STAT6: variants seen among roughly 807,000 people sequenced by gnomAD.
The protein encoded by STAT6 is signal transducer and activator of transcription 6, also known as STAT, interleukin4-induced.
In STAT6, 45 loss-of-function variants were observed where a neutral mutation model predicts 106.3. That is an observed-to-expected ratio of 0.42 (90% confidence interval 0.33 to 0.54). STAT6 has a LOEUF of 0.54. Among genes scored for constraint, STAT6 ranks in the 20% least tolerant of loss-of-function variants. The pLI is 0.06. For synonymous variants in STAT6, 413 were observed against 413.6 expected, an observed-to-expected ratio of 1.00 and a Z score of 0.02; for missense variants, 797 against 1,062.2, an observed-to-expected ratio of 0.75 and a Z score of 3.47.
At chr12:57,101,616 G>A (rs1053505336) in intron 13 of STAT6, among the ~76,000 whole-genome samples, 3 of 147,784 alleles carry the variant, frequency 2.0e-5, no homozygotes, top group East Asian at 2.0e-4. Flanking sequence ...TATCCGTCTC[G>A]GCCTCCCAAA....
intron 1 of STAT6, 92 bp from the exon 2 acceptor site, chr12:57,108,391 C>T: frequency 4.3e-6 from 3 of 695,974 alleles, no homozygotes; most frequent in Non-Finnish European, 5.1e-6. Context: ...GATAGCCCTC[C>T]TAGGGACCGT....
chr12:57,107,867 G>A (rs2034372825), intron 2 of STAT6, 124 bp from the exon 3 acceptor site: 5 of 1,372,804 alleles, frequency 3.6e-6, no homozygotes, highest in Non-Finnish European at 4.9e-6. Context: ...TAGGCCCTCT[G>A]TAGCTTTCAC....
rs1312046618 is a variant in STAT6, at chr12:57,099,446, G to A, written c.1745-6C>T. ...GTTCTCTATCTGTGGAGAGCCTATG[G>A]TAGGAAGGAGACCCTGAGATCCCTC... On this transcript the variant is annotated splice_region_variant and splice_polypyrimidine_tract_variant and intron_variant, in intron 15 of 21. Coordinates refer to ENST00000300134, the MANE Select transcript of STAT6 (RefSeq NM_003153.5). This position sits in a 1 kb window ranked among gnomAD's most constrained non-coding sequence, Gnocchi z 4.7. The A allele has an allele frequency of 8.1e-6, 13 of 1,614,046 alleles. No individual in the cohort carries two copies. Among genetic ancestry groups the A allele is most frequent in the Non-Finnish European group, 1.0e-5 (12 of 1,180,040 alleles).
chr12:57,096,260 G>T lies in STAT6; in HGVS notation c.*312C>A, dbSNP rs146173081. On this transcript the variant is annotated 3_prime_UTR_variant, in exon 22 of 22. Coordinates refer to ENST00000300134, the MANE Select transcript of STAT6 (RefSeq NM_003153.5). ...CCTGCTCAGCCCCATCACCCTCAGAGAGCTCTGTATGTGTGTGTGCGTGCG... is the reference window on the plus strand; with the variant it reads ...CCTGCTCAGCCCCATCACCCTCAGATAGCTCTGTATGTGTGTGTGCGTGCG... 1.8e-4 allele frequency: 55 copies of T among 306,904 alleles called. No individual in the cohort carries two copies. Among genetic ancestry groups the T allele is most frequent in the Admixed American group, 2.9e-4 (6 of 20,644 alleles). The allele number at this position is 306,904 out of a possible 1,614,324, so 19.0% of individuals were successfully genotyped here.
At position 57,096,039 on chromosome 12, in the gene STAT6, C is replaced by G. The variant is rs1050982684; in HGVS notation, c.*533G>C. Reference sequence around the variant, plus strand: ...AAAACCTGTACTAGTAACCACATGTCCAGACCCCTCCTATGCTCCCACCCA... The same window carrying G: ...AAAACCTGTACTAGTAACCACATGTGCAGACCCCTCCTATGCTCCCACCCA... On this transcript the variant is annotated 3_prime_UTR_variant, in exon 22 of 22. Coordinates refer to ENST00000300134, the MANE Select transcript of STAT6 (RefSeq NM_003153.5). The G allele has an allele frequency of 6.5e-6, 1 of 154,610 alleles. No individual in the cohort carries two copies. Among genetic ancestry groups the G allele is most frequent in the African/African-American group, 2.4e-5 (1 of 41,518 alleles). 9.6% of individuals were successfully genotyped at this position (154,610 alleles called of 1,614,324 possible).
In STAT6 at chr12:57,106,204, G is replaced by A. The variant is rs1289107274; in HGVS notation, c.667C>T (p.Pro223Ser). The A allele has an allele frequency of 1.9e-6, 3 of 1,614,132 alleles. No individual in the cohort carries two copies. The highest frequency in any genetic ancestry group is 2.2e-5 in the South Asian group (2 of 91,088). Residue 223 changes from proline (P) to serine (S), a missense_variant, in exon 7 of 22, where the codon CCA (proline) becomes TCA (serine). Transcript: ENST00000300134. ...NGAPFEESLA[P>S]LQERCESLVD... ...CCCTAGCCCAACCTCTCCTGGAGTGGGGCCAGGCTCTCCTCAAACGGTGCG... is the reference window on the plus strand; with the variant it reads ...CCCTAGCCCAACCTCTCCTGGAGTGAGGCCAGGCTCTCCTCAAACGGTGCG...
chr12:57,102,300 T>A lies in STAT6; in HGVS notation c.1502A>T (p.Gln501Leu). 2.5e-6 allele frequency: 4 copies of A among 1,614,110 alleles called. No individual in the cohort carries two copies. The highest frequency in any genetic ancestry group is 3.4e-6 in the Non-Finnish European group (4 of 1,180,006). ...GGGCAGGAGAATGACCTTGTTGAAC[T>A]GCGACCAGGACACAGAACGGTGCTG... Reference protein sequence around the residue: ...AFQHRSVSWSQFNKEILLGRG... With the variant: ...AFQHRSVSWSLFNKEILLGRG... The change falls in exon 13 of 22, where the codon CAG (glutamine) becomes CTG (leucine). Residue 501 changes from glutamine to leucine, a missense_variant. Gln to Leu is a moderately radical substitution (Grantham distance 113). Transcript: ENST00000300134.
intron 2 of STAT6, 140 bp from the exon 3 acceptor site, chr12:57,107,883 C>A: frequency 3.2e-6 from 4 of 1,243,438 alleles, no homozygotes; most frequent in South Asian, 3.0e-5. Context: ...TTCACCCATG[C>A]GCCTTGTTTC....
intron 1 of STAT6, among the ~76,000 whole-genome samples, chr12:57,109,039 A>G (rs551301046): frequency 1.4e-4 from 22 of 152,230 alleles, no homozygotes; most frequent in African/African-American, 5.1e-4. Flanking sequence ...TCTACTAAAA[A>G]TACAAAAACA....
Position 57,102,511 on chromosome 12 carries a change from G to A in STAT6, c.1306-15C>T, listed in dbSNP as rs2033994166. Reference sequence around the variant, plus strand: ...GGCACGCGGTCCTGGGGAGAAGGGGGAAGAAGAGAGCACTGCAGGCTACCG... The same window carrying A: ...GGCACGCGGTCCTGGGGAGAAGGGGAAAGAAGAGAGCACTGCAGGCTACCG... On this transcript the variant is annotated splice_polypyrimidine_tract_variant and intron_variant, in intron 12 of 21. Coordinates refer to ENST00000300134, the MANE Select transcript of STAT6 (RefSeq NM_003153.5). 6.2e-7 allele frequency: 1 copy of A among 1,611,948 alleles called. No individual in the cohort carries two copies. Among genetic ancestry groups the A allele is most frequent in the South Asian group, 1.1e-5 (1 of 90,884 alleles).
rs2136630113 is a variant in STAT6, at chr12:57,111,151, TCTC to T, written c.-47_-45del. ...CACCTCGGCAACCCCTCTGCTGTCT[TCTC>T]CCTTTCTCAGCGGGCACTTCCAGGC... On this transcript the variant is annotated 5_prime_UTR_variant, in exon 1 of 22. Transcript: ENST00000300134. 1 of 151,042 alleles carries T rather than the reference TCTC, an allele frequency of 6.6e-6. No individual in the cohort carries two copies. Among genetic ancestry groups the T allele is most frequent in the African/African-American group, 2.4e-5 (1 of 40,914 alleles). 9.4% of individuals were successfully genotyped at this position (151,042 alleles called of 1,614,324 possible).
chr12:57,107,382 C>G, intron 3 of STAT6, 68 bp from the exon 4 acceptor site: 1 of 1,483,006 alleles, frequency 6.7e-7, no homozygotes, highest in Non-Finnish European at 9.4e-7. Context: ...CTCCAATCCC[C>G]AGGCCTGCAT....
rs774237943 is a variant in STAT6, at chr12:57,098,612, C to G, written c.2067-15G>C. On this transcript the variant is annotated splice_polypyrimidine_tract_variant and intron_variant, in intron 18 of 21. Transcript: ENST00000300134. ...ACACCTGGGGCCTGGGGAAAGAAAA[C>G]AGACCCCCTGATGCCAGCCCTTCTC... is the stretch of plus-strand genomic sequence containing the variant. 1 of 1,611,512 alleles carries G rather than the reference C, an allele frequency of 6.2e-7. No homozygotes were observed. The highest frequency in any genetic ancestry group is 8.5e-7 in the Non-Finnish European group (1 of 1,178,610).
Position 57,105,192 on chromosome 12 carries a change from C to T in STAT6, c.960G>A (p.Gln320=), listed in dbSNP as rs752978940. 19 of 1,613,834 alleles carry T rather than the reference C, an allele frequency of 1.2e-5. No individual in the cohort carries two copies. The Admixed American group carries it at 2.8e-4, about 24-fold the overall frequency. The part of the protein sequence containing the change: ...LVRADMVTEK[Q]ARELSVPQGP... Reference sequence around the variant, plus strand: ...CCTGAGGCACACTCAGCTCCCGCGCCTGCTTCTCTGTCACCATGTCGGCCC... The same window carrying T: ...CCTGAGGCACACTCAGCTCCCGCGCTTGCTTCTCTGTCACCATGTCGGCCC... The change falls in exon 9 of 22, where the codon CAG becomes CAA. Residue 320 remains glutamine (Q), a synonymous_variant. Coordinates refer to ENST00000300134, the MANE Select transcript of STAT6 (RefSeq NM_003153.5).
At chr12:57,105,707 G>C in intron 7 of STAT6, 108 bp from the exon 8 acceptor site, 1 of 1,464,246 alleles carries the variant, frequency 6.8e-7, no homozygotes, top group East Asian at 2.5e-5. Flanking sequence ...TGGAGAAGTG[G>C]GGTGGGTAGT....
chr12:57,098,464 C>A, intron 19 of STAT6, 41 bp downstream of exon 19: 1 of 1,589,774 alleles, frequency 6.3e-7, no homozygotes, highest in Non-Finnish European at 8.6e-7. Context: ...ATGCCCACCC[C>A]CTTAGAGTGG....
chr12:57,099,424 C>G lies in STAT6; in HGVS notation c.1761G>C (p.Glu587Asp), dbSNP rs1317053901. The G allele has an allele frequency of 6.2e-7, 1 of 1,614,062 alleles. No homozygotes were observed. Among genetic ancestry groups the G allele is most frequent in the South Asian group, 1.1e-5 (1 of 91,080 alleles). The change falls in exon 16 of 22, where the codon GAG (glutamate) becomes GAC (aspartate). Residue 587 changes from glutamate (E) to aspartate (D), a missense_variant. By Grantham distance (45) the Glu-to-Asp change is conservative. Around this residue, in one of 4 missense-constraint regions of STAT6, gnomAD observed 222 missense variants for 354.6 expected, o/e 0.63. Transcript: ENST00000300134. The surrounding 1 kb of genome is among the most constrained non-coding windows in gnomAD (Gnocchi z 4.7). Reference sequence around the variant, plus strand: ...CTTTGGCAGAGAATGGCTGGATGTTCTCTATCTGTGGAGAGCCTATGGTAG... The same window carrying G: ...CTTTGGCAGAGAATGGCTGGATGTTGTCTATCTGTGGAGAGCCTATGGTAG... ...IRGQDGSPQI[E>D]NIQPFSAKDL...
chr12:57,103,076 G>GCCTCAGC, intron 11 of STAT6, 155 bp from the exon 12 acceptor site: 1 of 544,596 alleles, frequency 1.8e-6, no homozygotes, highest in Non-Finnish European at 3.0e-6. Flanking sequence ...GCTCACTGCA[G>GCCTCAGC]CCTCAGCCTT....
intron 1 of STAT6, among the ~76,000 whole-genome samples, chr12:57,110,793 C>T (rs1474177747): frequency 6.6e-6 from 1 of 152,126 alleles, no homozygotes; most frequent in East Asian, 1.9e-4. Flanking sequence ...CCTCTGGCAT[C>T]AACCTTCCAG....
Sources: allele counts gnomAD v4.1 joint callset (sites outside exome capture counted in the v4.1 genomes callset), GRCh38; gene constraint gnomAD v4.1.1; regional missense constraint gnomAD v4.1.1; non-coding constraint Gnocchi (gnomAD v3.1); transcripts MANE v1.5; gene names NCBI Gene and HGNC (gene_info 2026-07-23, HGNC 2026-07-21).